Variants in ADGRB3 observed in about 807,000 individuals in gnomAD.
The protein encoded by ADGRB3 is brain-specific angiogenesis inhibitor 3.
A neutral mutation model predicts 193.4 loss-of-function variants in ADGRB3; 37 were observed. That is an observed-to-expected ratio of 0.19 (90% CI 0.15 to 0.25). ADGRB3 has a LOEUF of 0.25. Ranked by LOEUF, ADGRB3 falls within the 10% of genes least tolerant of loss-of-function variation. The pLI, the probability that ADGRB3 is intolerant of heterozygous loss-of-function variation, is 1.00. For synonymous variants in ADGRB3, 690 were observed against 644.2 expected (o/e 1.07, Z -1.08); for missense variants, 1,637 against 1,852.9 (o/e 0.88, Z 2.14).
chr6:69,289,824 C>T (rs1233302514), intron 20 of ADGRB3, among the ~76,000 whole-genome samples: 3 of 151,750 alleles, frequency 2.0e-5, no homozygotes, highest in Admixed American at 6.6e-5. Flanking sequence ...TAAGGTGCTG[C>T]ACTCTGCCAC....
intron 3 of ADGRB3, among the ~76,000 whole-genome samples, chr6:68,862,140 C>T (rs1024671639): frequency 6.9e-6 from 1 of 145,698 alleles, no homozygotes; most frequent in Non-Finnish European, 1.5e-5. Flanking sequence ...GACCCCCCCC[C>T]CCACCCCAAT....
chr6:69,055,366 G>T (rs538884027), intron 15 of ADGRB3, among the ~76,000 whole-genome samples: 2 of 152,232 alleles, frequency 1.3e-5, no homozygotes, highest in African/African-American at 4.8e-5. Flanking sequence ...AATACCTCAT[G>T]TAAGTGGAAT....
chr6:68,879,935 TC>T (rs1765690172), intron 3 of ADGRB3, among the ~76,000 whole-genome samples: 6 of 152,222 alleles, frequency 3.9e-5, no homozygotes, highest in African/African-American at 1.2e-4. Context: ...TTTCACTCTT[TC>T]CACTAGCACT....
At chr6:69,040,307 CTCTT>C (rs58811960) in intron 13 of ADGRB3, among the ~76,000 whole-genome samples, 1,282 of 94,680 alleles carry the variant, frequency 0.014, 15 homozygotes, top group African/African-American at 0.024. Flanking sequence ...CTTTCTCTGT[CTCTT>C]TCTTTCTTTC....
chr6:68,784,905 A>C (rs1300466622), intron 3 of ADGRB3, among the ~76,000 whole-genome samples: 1 of 152,046 alleles, frequency 6.6e-6, no homozygotes, highest in Non-Finnish European at 1.5e-5. Flanking sequence ...AGAGTTTAGT[A>C]GTGTTCATTT....
At chr6:69,211,632 CATTT>C (rs1765669674) in intron 17 of ADGRB3, among the ~76,000 whole-genome samples, 1 of 152,166 alleles carries the variant, frequency 6.6e-6, no homozygotes, top group African/African-American at 2.4e-5. Flanking sequence ...ATCTTCCTCT[CATTT>C]ATATTATATA....
chr6:69,101,528 A>G lies in ADGRB3; in HGVS notation c.2480+25490A>G, dbSNP rs1224281437. Among the ~76,000 whole-genome samples, 6 of 150,946 alleles carry G rather than the reference A, an allele frequency of 4.0e-5. No individual in the cohort carries two copies. In the East Asian group the frequency reaches 1.2e-3, roughly 29 times the overall value. ...AATTGAATTTACACAAAACTGACAA[A>G]CCCTGGAAATTGCTTAGTTTTTATT... On this transcript the variant is annotated intron_variant, in intron 17 of 31. Transcript: ENST00000370598.
chr6:68,689,703 A>G (rs1371166634), intron 3 of ADGRB3, among the ~76,000 whole-genome samples: 3 of 150,456 alleles, frequency 2.0e-5, no homozygotes, highest in African/African-American at 7.4e-5. Context: ...GAACCAAAAG[A>G]AAAAAAAACA....
At chr6:68,958,865 A>AAAT (rs1562100531) in intron 8 of ADGRB3, among the ~76,000 whole-genome samples, 2 of 39,534 alleles carry the variant, frequency 5.1e-5, no homozygotes, top group Admixed American at 5.9e-4. Flanking sequence ...GGGGCAAAGA[A>AAAT]AAATAGTGTG....
intron 3 of ADGRB3, among the ~76,000 whole-genome samples, chr6:68,799,022 G>A (rs1377400945): frequency 6.6e-6 from 1 of 152,120 alleles, no homozygotes; most frequent in Non-Finnish European, 1.5e-5. Flanking sequence ...ACAGTGAAAG[G>A]TTTAAAGGAG....
At chr6:68,858,862 C>T (rs1276371444) in intron 3 of ADGRB3, among the ~76,000 whole-genome samples, 1 of 152,176 alleles carries the variant, frequency 6.6e-6, no homozygotes, top group Non-Finnish European at 1.5e-5. Context: ...ACCCTTTGGG[C>T]CTGTAATGGT....
At chr6:68,659,018 G>T (rs918665628) in intron 3 of ADGRB3, among the ~76,000 whole-genome samples, 2 of 151,070 alleles carry the variant, frequency 1.3e-5, no homozygotes, top group Admixed American at 6.6e-5. Flanking sequence ...CTGGCTTAGA[G>T]AATATTTTAT....
intron 3 of ADGRB3, among the ~76,000 whole-genome samples, chr6:68,858,689 C>G (rs1765062910): frequency 6.6e-6 from 1 of 151,952 alleles, no homozygotes. Context: ...GAGCCATTAC[C>G]TTTGATAAGA....
chr6:68,957,331 T>C (rs1768103535), intron 8 of ADGRB3, among the ~76,000 whole-genome samples: 1 of 152,198 alleles, frequency 6.6e-6, no homozygotes, highest in Non-Finnish European at 1.5e-5. Flanking sequence ...GGTCAGAAAC[T>C]GCCCAGATTA....
intron 17 of ADGRB3, among the ~76,000 whole-genome samples, chr6:69,137,481 G>T (rs1211481654): frequency 6.6e-6 from 1 of 151,848 alleles, no homozygotes; most frequent in Non-Finnish European, 1.5e-5. Flanking sequence ...AAACAAGAGA[G>T]TTCACTATAT....
At chr6:69,277,388 G>A (rs1407412123) in intron 20 of ADGRB3, among the ~76,000 whole-genome samples, 1 of 152,082 alleles carries the variant, frequency 6.6e-6, no homozygotes, top group Non-Finnish European at 1.5e-5. Context: ...TTTCTCTCAT[G>A]GGTAGCATGA....
intron 6 of ADGRB3, among the ~76,000 whole-genome samples, chr6:68,952,181 C>T (rs1767945670): frequency 6.6e-6 from 1 of 152,040 alleles, no homozygotes; most frequent in African/African-American, 2.4e-5. Context: ...AGTAAAATGA[C>T]ACTAGTGTTT....
At chr6:69,176,724 G>A (rs1359771862) in intron 17 of ADGRB3, among the ~76,000 whole-genome samples, 2 of 152,188 alleles carry the variant, frequency 1.3e-5, no homozygotes, top group African/African-American at 4.8e-5. Context: ...TTTGAACATT[G>A]GTAGAATTCA....
intron 27 of ADGRB3, among the ~76,000 whole-genome samples, chr6:69,355,545 A>G (rs149319760): frequency 7.2e-5 from 11 of 152,328 alleles, no homozygotes; most frequent in South Asian, 4.1e-4. Flanking sequence ...TCCTTCTAAT[A>G]TATAGTAATC....
Sources: allele counts gnomAD v4.1 joint callset (sites outside exome capture counted in the v4.1 genomes callset), GRCh38; gene constraint gnomAD v4.1.1; transcripts MANE v1.5; gene names NCBI Gene and HGNC (gene_info 2026-07-23, HGNC 2026-07-21).